Variants in DCLRE1C observed in about 807,000 individuals in gnomAD.
The protein encoded by DCLRE1C is DNA cross-link repair 1C, also known as protein artemis.
DCLRE1C carries 47 observed loss-of-function variants against 61.4 expected under a neutral mutation model. That is an observed-to-expected ratio of 0.77 (90% CI 0.61 to 0.98). DCLRE1C has a LOEUF of 0.98. Among genes scored for constraint, DCLRE1C ranks in the 50% least tolerant of loss-of-function variants. The probability of loss-of-function intolerance (pLI) is 0.00; values close to 1 mark genes in which losing one functional copy is unlikely to be tolerated. For missense variants in DCLRE1C, 858 were observed against 816.0 expected (o/e 1.05, Z -0.63); for synonymous variants, 337 against 287.6 (o/e 1.17, Z -1.74).
intron 2 of DCLRE1C, among the ~76,000 whole-genome samples, chr10:14,947,992 G>A (rs1157387029): frequency 1.3e-5 from 2 of 152,232 alleles, no homozygotes; most frequent in Admixed American, 6.5e-5. Flanking sequence ...AGAAGTTGCA[G>A]TGAGCTGAGA....
intron 1 of DCLRE1C, among the ~76,000 whole-genome samples, chr10:14,953,419 T>C (rs919616184): frequency 1.2e-4 from 18 of 152,122 alleles, no homozygotes; most frequent in African/African-American, 4.1e-4. Flanking sequence ...AACTTTCATA[T>C]TGGATACGGA....
chr10:14,922,798 A>T (rs1025060444), intron 12 of DCLRE1C, among the ~76,000 whole-genome samples, 183 bp downstream of exon 12: 1 of 152,134 alleles, frequency 6.6e-6, no homozygotes, highest in Admixed American at 6.5e-5. Flanking sequence ...CACTACCTAT[A>T]CCTTCTGCCA....
In DCLRE1C at chr10:14,949,127, C is replaced by T. The variant is rs369999490; in HGVS notation, c.110-40G>A. ...ACAAAAACTCATGAATATGTTTTTC[C>T]AGAGGATTCCTTAGCCCAAGGGAAA... On this transcript the variant is annotated intron_variant, in intron 1 of 13. Transcript: ENST00000378278. 34 of 1,396,016 alleles carry T rather than the reference C, an allele frequency of 2.4e-5. No individual in the cohort carries two copies. In the African/African-American group the frequency reaches 4.3e-4, roughly 17 times the overall value. The allele number at this position is 1,396,016 out of a possible 1,614,324, so 86.5% of individuals were successfully genotyped here.
In DCLRE1C at chr10:14,908,837, G is replaced by A. The variant is rs1834765170; in HGVS notation, c.1650C>T (p.Gly550=). The A allele has an allele frequency of 1.2e-6, 2 of 1,614,062 alleles. No homozygotes were observed. The highest frequency in any genetic ancestry group is 1.7e-6 in the Non-Finnish European group (2 of 1,180,032). Residue 550 remains glycine, a synonymous_variant, in exon 14 of 14, where the codon GGC becomes GGT. Transcript: ENST00000378278. Reference sequence around the variant, plus strand: ...AAACAGTATCAGATTGGCTGTCCCAGCCTTGACTTCCTTGTTCTGTTATGT... The same window carrying A: ...AAACAGTATCAGATTGGCTGTCCCAACCTTGACTTCCTTGTTCTGTTATGT... ...STHITEQGSQ[G]WDSQSDTVLL...
At chr10:14,915,592 A>T (rs1289902305) in intron 13 of DCLRE1C, among the ~76,000 whole-genome samples, 2 of 151,950 alleles carry the variant, frequency 1.3e-5, no homozygotes, top group African/African-American at 4.8e-5. Context: ...TAAAAAAAAA[A>T]ATAACCTGAA....
chr10:14,919,609 G>A, intron 13 of DCLRE1C, 129 bp downstream of exon 13: 1 of 756,800 alleles, frequency 1.3e-6, no homozygotes, highest in Non-Finnish European at 2.4e-6. Flanking sequence ...CTGAGACCAT[G>A]TGTCAAGTCT....
chr10:14,931,599 C>T (rs1839003448), intron 9 of DCLRE1C, among the ~76,000 whole-genome samples: 1 of 151,906 alleles, frequency 6.6e-6, no homozygotes, highest in South Asian at 2.1e-4. Context: ...AGACAAATGA[C>T]ATGTGACTTG....
chr10:14,932,009 G>T (rs1839082838), intron 9 of DCLRE1C, among the ~76,000 whole-genome samples: 2 of 151,928 alleles, frequency 1.3e-5, no homozygotes, highest in South Asian at 4.2e-4. Context: ...ACTCCAACCT[G>T]GGCAACAGAG....
At chr10:14,909,710 T>C (rs1020186084) in intron 13 of DCLRE1C, among the ~76,000 whole-genome samples, 3 of 152,224 alleles carry the variant, frequency 2.0e-5, no homozygotes, top group Non-Finnish European at 1.5e-5. Context: ...AGCTGATATC[T>C]GTTCAGCCAG....
intron 6 of DCLRE1C, among the ~76,000 whole-genome samples, chr10:14,935,131 C>A (rs1344573712): frequency 6.6e-6 from 1 of 151,868 alleles, no homozygotes; most frequent in African/African-American, 2.4e-5. Context: ...TGGGATTACA[C>A]CCGGCCAGAG....
intron 3 of DCLRE1C, among the ~76,000 whole-genome samples, chr10:14,943,516 A>G (rs1401296520): frequency 1.3e-5 from 2 of 152,054 alleles, no homozygotes; most frequent in Non-Finnish European, 2.9e-5. Context: ...TGTTTTATCT[A>G]TGTCTCTTAT....
Position 14,923,080 on chromosome 10 carries a change from G to T in DCLRE1C, c.973-11C>A. On this transcript the variant is annotated splice_polypyrimidine_tract_variant and intron_variant, in intron 11 of 13. Transcript: ENST00000378278. ...CAAGAAATCTTTAATCTAGAAAAAG[G>T]AAAATCACATGGATCAACAATCTCT... 6.3e-7 allele frequency: 1 copy of T among 1,594,560 alleles called. No individual in the cohort carries two copies. The highest frequency in any genetic ancestry group is 1.1e-5 in the South Asian group (1 of 90,634).
rs35441642 is a variant in DCLRE1C at position 14,934,728 on chromosome 10, G to C, written c.512C>G (p.Pro171Arg). The C allele has an allele frequency of 0.081, 130,721 of 1,612,910 alleles. 6,019 individuals are homozygous for C. Among genetic ancestry groups the C allele is most frequent in the East Asian group, 0.19 (8,550 of 44,856 alleles). ...CCGACTTGGAATTTGGTAAAATCTTGGATCACAGAACGTAGTATCCAAATA... is the reference window on the plus strand; with the variant it reads ...CCGACTTGGAATTTGGTAAAATCTTCGATCACAGAACGTAGTATCCAAATA... ...SVYLDTTFCDPRFYQIPSREE... is the reference protein window; with the variant it reads ...SVYLDTTFCDRRFYQIPSREE... The change falls in exon 7 of 14, where the codon CCA (proline) becomes CGA (arginine). Residue 171 changes from proline (P) to arginine (R), a missense_variant. By Grantham distance (103) the Pro-to-Arg change is moderately radical. This residue lies in a region of DCLRE1C where 843 missense variants were observed against 783.5 expected (regional missense o/e 1.08). Coordinates refer to ENST00000378278, the MANE Select transcript of DCLRE1C (RefSeq NM_001033855.3).
chr10:14,954,248 C>G, upstream of DCLRE1C: 1 of 631,446 alleles, frequency 1.6e-6, no homozygotes, highest in South Asian at 1.8e-5. Flanking sequence ...GCGATGGGCC[C>G]TGAGCCCTGC....
intron 2 of DCLRE1C, 70 bp from the exon 3 acceptor site, chr10:14,945,259 T>G (rs1841501132): frequency 6.7e-7 from 1 of 1,493,600 alleles, no homozygotes; most frequent in Non-Finnish European, 9.2e-7. Flanking sequence ...AAGAAATCTA[T>G]TTCATCATAC....
At chr10:14,932,506 G>A (rs1414611014) in intron 9 of DCLRE1C, among the ~76,000 whole-genome samples, 3 of 152,016 alleles carry the variant, frequency 2.0e-5, no homozygotes, top group African/African-American at 7.2e-5. Context: ...GCATGGTGGC[G>A]GGCGCCTGTA....
At chr10:14,926,222 T>G (rs936064936) in intron 11 of DCLRE1C, among the ~76,000 whole-genome samples, 1 of 152,210 alleles carries the variant, frequency 6.6e-6, no homozygotes, top group African/African-American at 2.4e-5. Context: ...TGCCTTGTTC[T>G]ACCTGAGCCG....
chr10:14,928,405 A>G (rs1002768448), intron 9 of DCLRE1C, among the ~76,000 whole-genome samples: 2 of 152,212 alleles, frequency 1.3e-5, no homozygotes, highest in Non-Finnish European at 2.9e-5. Context: ...CAAACGATCT[A>G]TATATCAAAG....
At chr10:14,937,735 A>G (rs1223238395) in intron 4 of DCLRE1C, among the ~76,000 whole-genome samples, 3 of 152,010 alleles carry the variant, frequency 2.0e-5, no homozygotes, top group African/African-American at 7.2e-5. Context: ...TACTAAAAAT[A>G]CAAAAATTAG....
Sources: allele counts gnomAD v4.1 joint callset (sites outside exome capture counted in the v4.1 genomes callset), GRCh38; gene constraint gnomAD v4.1.1; regional missense constraint gnomAD v4.1.1; transcripts MANE v1.5; gene names NCBI Gene and HGNC (gene_info 2026-07-23, HGNC 2026-07-21).